The following PRKN variants were observed in gnomAD, a reference collection of about 807,000 sequenced individuals.
The protein encoded by PRKN is E3 ubiquitin-protein ligase parkin.
Under a neutral mutation model 59.5 loss-of-function variants are expected in PRKN, and 56 were observed. The observed-to-expected ratio is 0.94, with a 90% CI of 0.76 to 1.18. PRKN has a LOEUF of 1.18. Ranked by LOEUF, PRKN falls within the 50% of genes most tolerant of loss-of-function variation. PRKN has a pLI of 0.00. For missense variants in PRKN, 657 were observed against 596.4 expected (o/e 1.10, Z -1.06); for synonymous variants, 250 against 222.1 (o/e 1.13, Z -1.12).
chr6:162,247,329 G>T (rs2128094127), intron 3 of PRKN, among the ~76,000 whole-genome samples: 1 of 152,212 alleles, frequency 6.6e-6, no homozygotes, highest in South Asian at 2.1e-4. Context: ...AAAGAATAGG[G>T]TATTTTTTCC....
At position 161,400,404 on chromosome 6, in the gene PRKN, T is replaced by G. The variant is rs2114978253; in HGVS notation, c.1084-13527A>C. Among the ~76,000 whole-genome samples the G allele has an allele frequency of 6.6e-6, 1 of 151,568 alleles. No homozygotes were observed. The highest frequency in any genetic ancestry group is 6.6e-5 in the Admixed American group (1 of 15,166). ...CTCACTGCAACCTGTACCTCCCAGG[T>G]TCAAGCAATTCTCCTGCCTCAGCCT... On this transcript the variant is annotated intron_variant, in intron 9 of 11. Coordinates refer to ENST00000366898, the MANE Select transcript of PRKN (RefSeq NM_004562.3). This position sits in a 1 kb window ranked among gnomAD's most constrained non-coding sequence, Gnocchi z 4.2.
intron 1 of PRKN, among the ~76,000 whole-genome samples, chr6:162,719,127 T>C (rs1350008231): frequency 6.6e-6 from 1 of 152,178 alleles, no homozygotes; most frequent in African/African-American, 2.4e-5. Context: ...TATCATATGA[T>C]TATGTCTAAA....
rs185693803 is a variant in PRKN, at chr6:161,931,978, A to C, written c.734+41324T>G. 2.0e-3 allele frequency among the ~76,000 whole-genome samples: 301 copies of C among 152,344 alleles called. 4 individuals carry two copies. The highest frequency in any genetic ancestry group is 1.8e-3 in the Non-Finnish European group (121 of 68,034). On this transcript the variant is annotated intron_variant, in intron 6 of 11. Coordinates refer to ENST00000366898, the MANE Select transcript of PRKN (RefSeq NM_004562.3). ...AGGCAATGCTATCATGGAGTTTAGC[A>C]GGAACTTAAGTGAATGCTTTAGTGA...
At position 162,020,960 on chromosome 6, in the gene PRKN, G is replaced by A. The variant is rs547179220; in HGVS notation, c.618+33131C>T. 4.9e-4 allele frequency among the ~76,000 whole-genome samples: 74 copies of A among 150,918 alleles called. No homozygotes were observed. The East Asian group carries it at 0.01, about 20-fold the overall frequency. On this transcript the variant is annotated intron_variant, in intron 5 of 11. Coordinates refer to ENST00000366898, the MANE Select transcript of PRKN (RefSeq NM_004562.3). ...TCTACAAAAAATACAAAAATTAGCC[G>A]GGCATGGTGGTGCGCACCTGTAATC...
intron 7 of PRKN, among the ~76,000 whole-genome samples, chr6:161,702,417 G>C (rs1786292313): frequency 6.6e-6 from 1 of 152,100 alleles, no homozygotes; most frequent in Admixed American, 6.6e-5. Flanking sequence ...ACTATGCTAA[G>C]TGAAATAAGC....
At chr6:161,794,111 A>AT (rs1362522801) in intron 6 of PRKN, among the ~76,000 whole-genome samples, 2 of 151,990 alleles carry the variant, frequency 1.3e-5, no homozygotes, top group Non-Finnish European at 2.9e-5. Context: ...TCTACCTGGA[A>AT]TTTTTTTATT....
chr6:162,027,452 C>A (rs867949540), intron 5 of PRKN, among the ~76,000 whole-genome samples: 1 of 152,078 alleles, frequency 6.6e-6, no homozygotes, highest in Admixed American at 6.5e-5. Context: ...CCTGCGAGTG[C>A]GACAAACCTC....
chr6:161,739,857 C>T (rs1476893791), intron 7 of PRKN, among the ~76,000 whole-genome samples: 5 of 152,186 alleles, frequency 3.3e-5, no homozygotes, highest in African/African-American at 4.8e-5. Context: ...CGGGTTCAAG[C>T]GATTTTCCTA....
At chr6:162,710,595 T>G (rs1385145231) in intron 1 of PRKN, among the ~76,000 whole-genome samples, 2 of 152,076 alleles carry the variant, frequency 1.3e-5, no homozygotes, top group Admixed American at 1.3e-4. Flanking sequence ...CAATGTGGTG[T>G]TGTGGTAGCA....
At chr6:162,006,864 T>C (rs1782276969) in intron 5 of PRKN, among the ~76,000 whole-genome samples, 2 of 152,136 alleles carry the variant, frequency 1.3e-5, no homozygotes, top group African/African-American at 2.4e-5. Flanking sequence ...CTGCGCCCAA[T>C]GAACCCCAGA....
Position 161,518,366 on chromosome 6 carries a change from C to A in PRKN, c.1083+30488G>T, listed in dbSNP as rs1778693489. Among the ~76,000 whole-genome samples the A allele has an allele frequency of 6.6e-6, 1 of 152,228 alleles. No individual in the cohort carries two copies. The highest frequency in any genetic ancestry group is 2.4e-5 in the African/African-American group (1 of 41,464). On this transcript the variant is annotated intron_variant, in intron 9 of 11. Coordinates refer to ENST00000366898, the MANE Select transcript of PRKN (RefSeq NM_004562.3). The surrounding 1 kb of genome is among the most constrained non-coding windows in gnomAD (Gnocchi z 5.0). ...AGAATGTCCTGTGCAGGGAAAGCAG[C>A]AGAAGGGCCCAGAAACAGCCAGTAG...
At chr6:161,874,240 A>ATT (rs1794527388) in intron 6 of PRKN, among the ~76,000 whole-genome samples, 3 of 15,084 alleles carry the variant, frequency 2.0e-4, no homozygotes, top group Non-Finnish European at 3.9e-4. Context: ...TATAATATAT[A>ATT]ATATATAATA....
At chr6:161,787,884 G>A (rs946959229) in intron 6 of PRKN, among the ~76,000 whole-genome samples, 3 of 152,208 alleles carry the variant, frequency 2.0e-5, no homozygotes, top group African/African-American at 7.2e-5. Flanking sequence ...AGCTTGCAGT[G>A]AGCCGAGATC....
intron 1 of PRKN, among the ~76,000 whole-genome samples, chr6:162,477,421 A>G (rs1264956047): frequency 1.3e-5 from 2 of 152,182 alleles, no homozygotes; most frequent in African/African-American, 2.4e-5. Flanking sequence ...ACGAGTTTCC[A>G]TTGGCATTTT....
At chr6:161,729,463 G>T (rs1469942712) in intron 7 of PRKN, among the ~76,000 whole-genome samples, 1 of 152,002 alleles carries the variant, frequency 6.6e-6, no homozygotes, top group Non-Finnish European at 1.5e-5. Context: ...GATTATTATA[G>T]GTTGGAAAAA....
chr6:161,359,874 G>A lies in PRKN; in HGVS notation c.1285+214C>T, dbSNP rs58063982. On this transcript the variant is annotated intron_variant, in intron 11 of 11. Coordinates refer to ENST00000366898, the MANE Select transcript of PRKN (RefSeq NM_004562.3). This position sits in a 1 kb window ranked among gnomAD's most constrained non-coding sequence, Gnocchi z 5.4. ...TTCCAACCACATAAATGCTAACTGTGTGCCTCACATAGCCATGGAACTACT... is the reference window on the plus strand; with the variant it reads ...TTCCAACCACATAAATGCTAACTGTATGCCTCACATAGCCATGGAACTACT... 3.0e-3 allele frequency among the ~76,000 whole-genome samples: 463 copies of A among 152,226 alleles called. No individual in the cohort carries two copies. Among genetic ancestry groups the A allele is most frequent in the African/African-American group, 0.01 (418 of 41,520 alleles).
At chr6:162,618,562 G>T (rs1474450499) in intron 1 of PRKN, among the ~76,000 whole-genome samples, 1 of 152,190 alleles carries the variant, frequency 6.6e-6, no homozygotes, top group East Asian at 1.9e-4. Flanking sequence ...TCGTGAGTAC[G>T]CTCTGAATCT....
intron 5 of PRKN, among the ~76,000 whole-genome samples, chr6:162,012,563 A>G (rs529641309): frequency 6.6e-6 from 1 of 152,174 alleles, no homozygotes; most frequent in Non-Finnish European, 1.5e-5. Flanking sequence ...ATTCATTTAC[A>G]TAAATTTTTA....
chr6:161,374,556 G>GGGTGTGTGGTGCA, intron 10 of PRKN, among the ~76,000 whole-genome samples: 2 of 78,522 alleles, frequency 2.5e-5, no homozygotes, highest in Admixed American at 1.5e-4. Flanking sequence ...GGTGTGTGAT[G>GGGTGTGTGGTGCA]TGTGTGTGGT....
Sources: gnomAD v4.1 joint callset for allele counts (sites outside exome capture counted in the v4.1 genomes callset) on GRCh38, gnomAD v4.1.1 for gene constraint, Gnocchi (gnomAD v3.1) non-coding constraint, MANE v1.5 for transcripts, NCBI Gene and HGNC (gene_info 2026-07-23, HGNC 2026-07-21) for gene names.